The following PEAK1 variants were observed in gnomAD, a reference collection of about 807,000 sequenced individuals.
PEAK1 encodes the protein pseudopodium enriched atypical kinase 1.
A neutral mutation model predicts 124.7 loss-of-function variants in PEAK1; 54 were observed. The ratio of observed to expected loss-of-function variants is 0.43; its 90% CI spans 0.35 to 0.54. PEAK1 has a LOEUF of 0.54. PEAK1 is among the 20% of genes least tolerant of loss of function. The pLI is 0.01. For synonymous variants in PEAK1, 719 were observed against 760.0 expected (o/e 0.95, Z 0.89); for missense variants, 2,046 against 2,134.5 (o/e 0.96, Z 0.82).
intron 1 of PEAK1, among the ~76,000 whole-genome samples, chr15:77,401,343 TGATA>T (rs1180963620): frequency 2.6e-5 from 4 of 152,214 alleles, no homozygotes; most frequent in African/African-American, 9.6e-5. Context: ...TTTCCTTTCC[TGATA>T]GATGTCTAAT....
intron 2 of PEAK1, among the ~76,000 whole-genome samples, chr15:77,298,677 G>A (rs1050589101): frequency 2.0e-5 from 3 of 152,146 alleles, no homozygotes; most frequent in South Asian, 4.1e-4. Context: ...GCCTTGAGAT[G>A]TCAAGGATCA....
At position 77,178,953 on chromosome 15, in the gene PEAK1, T is replaced by A; in HGVS notation, c.2974A>T (p.Arg992Trp). The change falls in exon 7 of 10, where the codon AGG becomes TGG. Residue 992 changes from arginine to tryptophan, a missense_variant. Physicochemically the swap from Arg to Trp is moderately radical, Grantham distance 101 (BLOSUM62 -3). Coordinates refer to ENST00000682557, the MANE Select transcript of PEAK1 (RefSeq NM_001385026.1). ...SEKPAIVFMY[R>W]CDPAQGQLSV... ...AGCTGGCCTTGAGCAGGGTCGCACC[T>A]GTACATGAAGACAATGGCTGGTTTC... is the stretch of plus-strand genomic sequence containing the variant. 6.2e-7 allele frequency: 1 copy of A among 1,614,162 alleles called. No homozygotes were observed. Among genetic ancestry groups the A allele is most frequent in the Non-Finnish European group, 8.5e-7 (1 of 1,180,022 alleles).
chr15:77,124,233 T>C (rs139025500), intron 9 of PEAK1, among the ~76,000 whole-genome samples: 1 of 152,370 alleles, frequency 6.6e-6, no homozygotes, highest in African/African-American at 2.4e-5. Flanking sequence ...CTGCTTTGGG[T>C]CACTTAGATG....
chr15:77,348,090 T>G (rs997780987), intron 2 of PEAK1: 8 of 983,902 alleles, frequency 8.1e-6, no homozygotes, highest in Non-Finnish European at 9.6e-6. Context: ...ACATTATTCA[T>G]CTAGAGAAAA....
At chr15:77,305,503 G>C (rs889271447) in intron 2 of PEAK1, among the ~76,000 whole-genome samples, 2 of 152,154 alleles carry the variant, frequency 1.3e-5, no homozygotes, top group African/African-American at 2.4e-5. Flanking sequence ...CCAGAGCTCA[G>C]ACTGAATTAC....
chr15:77,221,669 T>C (rs997925043), intron 6 of PEAK1, among the ~76,000 whole-genome samples: 2 of 152,098 alleles, frequency 1.3e-5, no homozygotes, highest in Non-Finnish European at 2.9e-5. Context: ...TTAGGCACAC[T>C]ATAAGAAAAC....
Position 77,261,800 on chromosome 15 carries a change from A to G in PEAK1, c.-274-9274T>C, listed in dbSNP as rs181024455. Among the ~76,000 whole-genome samples the G allele has an allele frequency of 7.9e-5, 12 of 152,278 alleles. No homozygotes were observed. The East Asian group carries it at 1.5e-3, about 20-fold the overall frequency. The stretch of plus-strand genomic sequence containing the variant: ...CTCCAGAAGAGCAACTCTAAGACAC[A>G]TAATTGTCAGATTCACCAAAGTTGA... On this transcript the variant is annotated intron_variant, in intron 5 of 9. Coordinates refer to ENST00000682557, the MANE Select transcript of PEAK1 (RefSeq NM_001385026.1).
intron 6 of PEAK1, among the ~76,000 whole-genome samples, chr15:77,209,072 C>A (rs1356538658): frequency 6.6e-6 from 1 of 152,102 alleles, no homozygotes; most frequent in Non-Finnish European, 1.5e-5. Context: ...CAACTACTTA[C>A]TGGCATAATG....
intron 6 of PEAK1, among the ~76,000 whole-genome samples, chr15:77,211,190 A>G (rs992900298): frequency 1.3e-5 from 2 of 152,188 alleles, no homozygotes; most frequent in African/African-American, 2.4e-5. Context: ...TAAAACCTAA[A>G]GTACTTAAAA....
At chr15:77,403,750 C>T (rs371516416) in intron 1 of PEAK1, 5 of 965,006 alleles carry the variant, frequency 5.2e-6, no homozygotes, top group African/African-American at 1.8e-5. Flanking sequence ...CAAAATAAAG[C>T]GTAAGATGTT....
At chr15:77,419,115 C>T in intron 1 of PEAK1, 1 of 985,436 alleles carries the variant, frequency 1.0e-6, no homozygotes, top group Non-Finnish European at 1.2e-6. Context: ...CTTCCAATAA[C>T]TCCATTCCAC....
At chr15:77,332,259 C>A (rs2065933812) in intron 2 of PEAK1, 1 of 984,914 alleles carries the variant, frequency 1.0e-6, no homozygotes, top group Admixed American at 6.2e-5. Flanking sequence ...TTTTTTCCCC[C>A]TGAAACTAAA....
chr15:77,358,578 C>T (rs1431082124), intron 2 of PEAK1, among the ~76,000 whole-genome samples: 1 of 152,218 alleles, frequency 6.6e-6, no homozygotes, highest in Non-Finnish European at 1.5e-5. Context: ...ATATTTCTCT[C>T]TCCCGGCTCT....
At chr15:77,381,148 T>C (rs937213083) in intron 1 of PEAK1, 14 of 893,158 alleles carry the variant, frequency 1.6e-5, no homozygotes, top group Non-Finnish European at 1.9e-5. Context: ...AGTAACATGC[T>C]AAAAATCATG....
At chr15:77,304,710 G>T (rs2063987010) in intron 2 of PEAK1, among the ~76,000 whole-genome samples, 2 of 152,032 alleles carry the variant, frequency 1.3e-5, no homozygotes, top group South Asian at 4.1e-4. Flanking sequence ...GCCTCCCAAA[G>T]TGATGGGATT....
chr15:77,291,472 A>G (rs1262831719), intron 2 of PEAK1, among the ~76,000 whole-genome samples: 1 of 152,202 alleles, frequency 6.6e-6, no homozygotes, highest in Admixed American at 6.5e-5. Flanking sequence ...AACATCAACC[A>G]TAAAAGAAAC....
Position 77,181,077 on chromosome 15 carries a change from G to C in PEAK1, c.850C>G (p.Arg284Gly), listed in dbSNP as rs374061041. The C allele has an allele frequency of 6.2e-7, 1 of 1,614,018 alleles. No homozygotes were observed. Among genetic ancestry groups the C allele is most frequent in the African/African-American group, 1.3e-5 (1 of 74,910 alleles). Residue 284 changes from arginine (R) to glycine (G), a missense_variant, in exon 7 of 10, where the codon CGA becomes GGA. Arg to Gly is a moderately radical substitution (Grantham distance 125, BLOSUM62 -2). Transcript: ENST00000682557. The part of the protein sequence containing the change: ...NFRANTLSPV[R>G]FFVDKKWNTI... Reference sequence around the variant, plus strand: ...TTCCATTTTTTGTCCACAAAGAATCGAACAGGAGACAATGTGTTTGCTCTG... The same window carrying C: ...TTCCATTTTTTGTCCACAAAGAATCCAACAGGAGACAATGTGTTTGCTCTG...
At chr15:77,391,781 C>G (rs561395160) in intron 1 of PEAK1, among the ~76,000 whole-genome samples, 50 of 152,226 alleles carry the variant, frequency 3.3e-4, no homozygotes, top group African/African-American at 1.2e-3. Context: ...TACCAGTGTG[C>G]AAACTAATAC....
intron 6 of PEAK1, among the ~76,000 whole-genome samples, chr15:77,210,717 TAA>T (rs2058865057): frequency 6.6e-6 from 1 of 152,024 alleles, no homozygotes; most frequent in Non-Finnish European, 1.5e-5. Context: ...CCATCTCTAG[TAA>T]AAATACAAAA....
Sources: allele counts gnomAD v4.1 joint callset (sites outside exome capture counted in the v4.1 genomes callset), GRCh38; gene constraint gnomAD v4.1.1; transcripts MANE v1.5; gene names NCBI Gene and HGNC (gene_info 2026-07-23, HGNC 2026-07-21).